MIPEP: variants seen among roughly 807,000 people sequenced by gnomAD.
The protein encoded by MIPEP is mitochondrial intermediate peptidase.
A neutral mutation model predicts 90.3 loss-of-function variants in MIPEP; 79 were observed. The observed-to-expected ratio is 0.87, with a 90% CI of 0.73 to 1.05. The LOEUF is 1.05. MIPEP is among the 50% of genes least tolerant of loss of function. MIPEP has a pLI of 0.00. For missense variants in MIPEP, 940 were observed against 905.6 expected, an observed-to-expected ratio of 1.04 and a Z score of -0.49; for synonymous variants, 334 against 315.8, an observed-to-expected ratio of 1.06 and a Z score of -0.61.
At chr13:23,761,461 CAG>C (rs1239531574) in intron 16 of MIPEP, among the ~76,000 whole-genome samples, 1 of 152,088 alleles carries the variant, frequency 6.6e-6, no homozygotes, top group Non-Finnish European at 1.5e-5. Context: ...GAGTCTGGCA[CAG>C]AGAGAGAGCA....
chr13:23,744,052 C>G (rs115701870), intron 18 of MIPEP, among the ~76,000 whole-genome samples: 2,943 of 152,320 alleles, frequency 0.019, 89 homozygotes, highest in African/African-American at 0.066. Context: ...ACATGCTTTC[C>G]TCATTTATTC....
chr13:23,885,351 AG>A (rs1422713909), intron 2 of MIPEP, among the ~76,000 whole-genome samples: 1 of 152,202 alleles, frequency 6.6e-6, no homozygotes, highest in East Asian at 1.9e-4. Flanking sequence ...ACAAAAAAAC[AG>A]GAAGATTGAG....
At chr13:23,848,115 G>A (rs1353169189) in intron 10 of MIPEP, among the ~76,000 whole-genome samples, 4 of 152,174 alleles carry the variant, frequency 2.6e-5, no homozygotes, top group African/African-American at 9.7e-5. Flanking sequence ...TTAGGTTTCT[G>A]AAGCTTCAGT....
chr13:23,797,279 C>G (rs1952972929), intron 16 of MIPEP, among the ~76,000 whole-genome samples: 1 of 152,168 alleles, frequency 6.6e-6, no homozygotes, highest in Non-Finnish European at 1.5e-5. Context: ...AGACTAATGA[C>G]TCCCAAATCT....
At chr13:23,765,887 T>C (rs1455487144) in intron 16 of MIPEP, 1 of 152,208 alleles carries the variant, frequency 6.6e-6, no homozygotes, top group Admixed American at 6.5e-5. Context: ...TATTTTCGAC[T>C]AGGGAAGTGA....
intron 18 of MIPEP, among the ~76,000 whole-genome samples, chr13:23,751,051 G>T (rs1565981303): frequency 6.7e-6 from 1 of 148,464 alleles, no homozygotes; most frequent in East Asian, 2.0e-4. Flanking sequence ...TCTTACTGGA[G>T]AATGGTGTAA....
intron 14 of MIPEP, among the ~76,000 whole-genome samples, chr13:23,834,433 C>A (rs1326095322): frequency 6.6e-6 from 1 of 152,172 alleles, no homozygotes; most frequent in Non-Finnish European, 1.5e-5. Context: ...TGCCTTCGGG[C>A]GGTAACACCC....
intron 4 of MIPEP, 38 bp downstream of exon 4, chr13:23,879,230 G>A: frequency 2.4e-6 from 3 of 1,259,254 alleles, no homozygotes; most frequent in Middle Eastern, 3.8e-4. Context: ...CACCTCTAGA[G>A]TCACAGTCAC....
chr13:23,844,053 G>A (rs1415663391), intron 10 of MIPEP, among the ~76,000 whole-genome samples: 1 of 152,128 alleles, frequency 6.6e-6, no homozygotes, highest in East Asian at 1.9e-4. Flanking sequence ...TGGAGGAACC[G>A]ACTGTGAAGT....
chr13:23,853,597 G>T (rs766339391), intron 10 of MIPEP, among the ~76,000 whole-genome samples: 7 of 150,002 alleles, frequency 4.7e-5, no homozygotes, highest in Middle Eastern at 3.4e-3. Context: ...GTCTCACTCT[G>T]TTGCCCAAAC....
chr13:23,862,522 T>C (rs1218079447), intron 8 of MIPEP, among the ~76,000 whole-genome samples, 160 bp from the exon 9 acceptor site: 2 of 152,224 alleles, frequency 1.3e-5, no homozygotes, highest in African/African-American at 2.4e-5. Flanking sequence ...CTAAGTGTCA[T>C]GAGAAATAAC....
At chr13:23,765,561 G>A (rs1021583438) in intron 16 of MIPEP, among the ~76,000 whole-genome samples, 3 of 152,176 alleles carry the variant, frequency 2.0e-5, no homozygotes, top group Admixed American at 1.3e-4. Context: ...GAGAATAAGC[G>A]GAGGACCCCT....
intron 16 of MIPEP, among the ~76,000 whole-genome samples, chr13:23,785,636 A>C (rs939473260): frequency 1.3e-5 from 2 of 151,896 alleles, no homozygotes; most frequent in African/African-American, 4.8e-5. Context: ...AAAAAAAAAA[A>C]AAGAAAAAAA....
intron 2 of MIPEP, among the ~76,000 whole-genome samples, chr13:23,882,988 G>C (rs1472445839): frequency 6.6e-6 from 1 of 151,836 alleles, no homozygotes; most frequent in Non-Finnish European, 1.5e-5. Flanking sequence ...CATAAAAACT[G>C]TATTAAAAAA....
intron 17 of MIPEP, 161 bp from the exon 18 acceptor site, chr13:23,756,779 C>T (rs1426476748): frequency 1.6e-6 from 1 of 625,240 alleles, no homozygotes; most frequent in Non-Finnish European, 2.8e-6. Flanking sequence ...CAAATTCTGG[C>T]TTTTAAATTG....
At chr13:23,870,402 A>T (rs754342111) in intron 5 of MIPEP, among the ~76,000 whole-genome samples, 1 of 152,022 alleles carries the variant, frequency 6.6e-6, no homozygotes, top group Non-Finnish European at 1.5e-5. Flanking sequence ...ATATTCTAAC[A>T]AAAAGATCAT....
intron 14 of MIPEP, among the ~76,000 whole-genome samples, chr13:23,826,718 G>T (rs1380364307): frequency 6.6e-6 from 1 of 152,094 alleles, no homozygotes; most frequent in Non-Finnish European, 1.5e-5. Context: ...TTAGATAAAT[G>T]CCTATGAAAT....
intron 18 of MIPEP, among the ~76,000 whole-genome samples, chr13:23,747,318 G>A (rs1205673842): frequency 6.6e-6 from 1 of 152,126 alleles, no homozygotes; most frequent in Non-Finnish European, 1.5e-5. Flanking sequence ...AAATCATTTA[G>A]GCGGGATCTC....
intron 18 of MIPEP, among the ~76,000 whole-genome samples, chr13:23,738,436 A>AT (rs1952287916): frequency 6.6e-6 from 1 of 150,856 alleles, no homozygotes; most frequent in African/African-American, 2.5e-5. Context: ...TATTATATAT[A>AT]AAAATTACTG....
Sources: allele counts gnomAD v4.1 joint callset (sites outside exome capture counted in the v4.1 genomes callset), GRCh38; gene constraint gnomAD v4.1.1; transcripts MANE v1.5; gene names NCBI Gene and HGNC (gene_info 2026-07-23, HGNC 2026-07-21).